CDC42BPB: variants seen among roughly 807,000 people sequenced by gnomAD.
The protein encoded by CDC42BPB is CDC42 binding protein kinase beta.
A neutral mutation model predicts 214.9 loss-of-function variants in CDC42BPB; 37 were observed. That is an observed-to-expected ratio of 0.17 (90% CI 0.13 to 0.23). CDC42BPB has a LOEUF of 0.23. Among genes scored for constraint, CDC42BPB ranks in the 10% least tolerant of loss-of-function variants. CDC42BPB has a pLI of 1.00. For missense variants in CDC42BPB, 1,694 were observed against 2,227.0 expected, an observed-to-expected ratio of 0.76 and a Z score of 4.82; for synonymous variants, 931 against 884.0, an observed-to-expected ratio of 1.05 and a Z score of -0.94.
chr14:103,043,340 A>G (rs1447463132), intron 1 of CDC42BPB, among the ~76,000 whole-genome samples: 3 of 152,234 alleles, frequency 2.0e-5, no homozygotes, highest in Non-Finnish European at 4.4e-5. Flanking sequence ...CACACAACGG[A>G]GTACTATTTG....
chr14:102,963,487 C>T (rs1893049653), intron 19 of CDC42BPB, among the ~76,000 whole-genome samples: 2 of 152,346 alleles, frequency 1.3e-5, no homozygotes, highest in African/African-American at 4.8e-5. Flanking sequence ...CCGTCAGCCC[C>T]ATCAATATCT....
chr14:102,993,994 G>A (rs768205116), intron 5 of CDC42BPB, among the ~76,000 whole-genome samples: 1 of 152,214 alleles, frequency 6.6e-6, no homozygotes, highest in African/African-American at 2.4e-5. Context: ...ATAGGAAAAT[G>A]TTTAAGGCAA....
rs777304874 is a variant in CDC42BPB at position 102,944,130 on chromosome 14, T to C, written c.4169A>G (p.Tyr1390Cys). ...AVLRDRLCVGYPSGFCLLSIQ... is the reference protein window; with the variant it reads ...AVLRDRLCVGCPSGFCLLSIQ... ...GCTCAGCAGGCAGAACCCAGAAGGGTAGCCCACACAGAGCCTGTCCCTGAG... is the reference window on the plus strand; with the variant it reads ...GCTCAGCAGGCAGAACCCAGAAGGGCAGCCCACACAGAGCCTGTCCCTGAG... The change falls in exon 30 of 37, where the codon TAC becomes TGC. Residue 1390 changes from tyrosine (Y) to cysteine (C), a missense_variant. Coordinates refer to ENST00000361246, the MANE Select transcript of CDC42BPB (RefSeq NM_006035.4). The surrounding 1 kb of genome is among the most constrained non-coding windows in gnomAD (Gnocchi z 6.6). The C allele has an allele frequency of 5.0e-6, 8 of 1,613,034 alleles. No homozygotes were observed. Among genetic ancestry groups the C allele is most frequent in the Admixed American group, 1.7e-5 (1 of 60,000 alleles).
intron 1 of CDC42BPB, among the ~76,000 whole-genome samples, chr14:103,015,315 T>C (rs1034709845): frequency 1.2e-4 from 19 of 152,106 alleles, no homozygotes; most frequent in African/African-American, 4.6e-4. Flanking sequence ...ACTAACAATT[T>C]TGTACTGGTG....
At chr14:102,962,849 CA>C (rs914493422) in intron 20 of CDC42BPB, among the ~76,000 whole-genome samples, 1 of 148,690 alleles carries the variant, frequency 6.7e-6, no homozygotes, top group African/African-American at 2.5e-5. Context: ...GAGACTGTCT[CA>C]AAAAAAAAGG....
rs1361862396 is a variant in CDC42BPB, at chr14:103,005,698, A to G, written c.352-1675T>C. On this transcript the variant is annotated intron_variant, in intron 3 of 36. Coordinates refer to ENST00000361246, the MANE Select transcript of CDC42BPB (RefSeq NM_006035.4). The stretch of plus-strand genomic sequence containing the variant: ...AGTAACAGAGTGAGACCCTGTCTCT[A>G]AAACAAGAAAAAAAAAGTTTTTCTT... 6.6e-5 allele frequency among the ~76,000 whole-genome samples: 10 copies of G among 152,030 alleles called. No homozygotes were observed. The South Asian group carries it at 1.7e-3, about 25-fold the overall frequency.
At chr14:102,985,535 A>C (rs1429171779) in intron 6 of CDC42BPB, among the ~76,000 whole-genome samples, 1 of 152,240 alleles carries the variant, frequency 6.6e-6, no homozygotes, top group Non-Finnish European at 1.5e-5. Flanking sequence ...CCCGCCTACC[A>C]ATTAATCAAT....
chr14:102,992,611 C>T (rs751744372), intron 5 of CDC42BPB, among the ~76,000 whole-genome samples: 5 of 152,070 alleles, frequency 3.3e-5, no homozygotes, highest in Non-Finnish European at 5.9e-5. Flanking sequence ...ATCCACTCAC[C>T]GCCTCACCAA....
At chr14:103,002,059 A>G (rs549738344) in intron 4 of CDC42BPB, among the ~76,000 whole-genome samples, 49 of 151,946 alleles carry the variant, frequency 3.2e-4, no homozygotes, top group Non-Finnish European at 5.6e-4. Context: ...TTTTGATAAA[A>G]CTCTGTGAGA....
At chr14:103,055,038 G>C (rs904902617) in intron 1 of CDC42BPB, among the ~76,000 whole-genome samples, 3 of 152,262 alleles carry the variant, frequency 2.0e-5, no homozygotes, top group South Asian at 4.1e-4. Context: ...CTTTCCCTCT[G>C]CTTCCTCTTC....
chr14:102,969,623 C>T (rs1595478276), intron 14 of CDC42BPB, among the ~76,000 whole-genome samples: 2 of 152,352 alleles, frequency 1.3e-5, no homozygotes, highest in South Asian at 4.1e-4. Flanking sequence ...ATCCAGGCCA[C>T]GCCATACTGC....
At chr14:102,992,486 G>A (rs1298681742) in intron 5 of CDC42BPB, among the ~76,000 whole-genome samples, 2 of 152,126 alleles carry the variant, frequency 1.3e-5, no homozygotes, top group African/African-American at 4.8e-5. Context: ...CTCTCGTTAC[G>A]GAAGAGGCAG....
At chr14:103,005,913 G>A (rs1429764604) in intron 3 of CDC42BPB, among the ~76,000 whole-genome samples, 4 of 151,744 alleles carry the variant, frequency 2.6e-5, no homozygotes, top group African/African-American at 9.7e-5. Flanking sequence ...CCAGCTACTC[G>A]GGAGGCTGAG....
intron 1 of CDC42BPB, among the ~76,000 whole-genome samples, chr14:103,013,380 C>T (rs974088549): frequency 2.0e-5 from 3 of 152,232 alleles, no homozygotes; most frequent in Admixed American, 1.3e-4. Context: ...GGCCTCCTCA[C>T]GCGGACTCTC....
intron 1 of CDC42BPB, among the ~76,000 whole-genome samples, chr14:103,038,243 G>A (rs868511881): frequency 6.7e-6 from 1 of 149,716 alleles, no homozygotes; most frequent in Non-Finnish European, 1.5e-5. Context: ...GCTGAGGCAG[G>A]AGAATAGCGT....
rs945332053 is a variant in CDC42BPB, at chr14:102,978,022, C to A, written c.1220+104G>T. 15 of 835,320 alleles carry A rather than the reference C, an allele frequency of 1.8e-5. No individual in the cohort carries two copies. In the Admixed American group the frequency reaches 2.1e-4, roughly 12 times the overall value. The allele number at this position is 835,320 out of a possible 1,614,324, so 51.7% of individuals were successfully genotyped here. On this transcript the variant is annotated intron_variant, in intron 9 of 36. Coordinates refer to ENST00000361246, the MANE Select transcript of CDC42BPB (RefSeq NM_006035.4). ...TCCCTTAAGTAATGGCCTCCCAGCGCACACACCACCCACTAGCCCGCCCCC... is the reference window on the plus strand; with the variant it reads ...TCCCTTAAGTAATGGCCTCCCAGCGAACACACCACCCACTAGCCCGCCCCC...
chr14:102,984,139 C>G (rs879499657), intron 6 of CDC42BPB, among the ~76,000 whole-genome samples: 1 of 152,202 alleles, frequency 6.6e-6, no homozygotes, highest in Non-Finnish European at 1.5e-5. Flanking sequence ...AACTCTTGTA[C>G]ACATGGTCTG....
chr14:103,008,625 T>C (rs1885979301), intron 2 of CDC42BPB, 70 bp from the exon 3 acceptor site: 3 of 1,584,804 alleles, frequency 1.9e-6, no homozygotes, highest in East Asian at 2.3e-5. Context: ...GGAGCTAAAC[T>C]GTAGTGAAAT....
chr14:102,959,837 T>TAA lies in CDC42BPB; in HGVS notation c.2822-128_2822-127insTT. On this transcript the variant is annotated intron_variant, in intron 20 of 36. Transcript: ENST00000361246. Reference sequence around the variant, plus strand: ...ACTGATACATCTGACATGATCACAATTAAAAAAAAAAAAAAAAAAAAAAGG... The same window carrying TAA: ...ACTGATACATCTGACATGATCACAATAATAAAAAAAAAAAAAAAAAAAAAAGG... 7 of 716,130 alleles carry TAA rather than the reference T, an allele frequency of 9.8e-6. No individual in the cohort carries two copies. The South Asian group carries it at 2.0e-4, about 20-fold the overall frequency. 44.4% of individuals were successfully genotyped at this position (716,130 alleles called of 1,614,324 possible). A position where few individuals can be genotyped will look rare whatever the true frequency, so the allele number is the denominator to read the frequency against.
Sources: gnomAD v4.1 joint callset for allele counts (sites outside exome capture counted in the v4.1 genomes callset) on GRCh38, gnomAD v4.1.1 for gene constraint, Gnocchi (gnomAD v3.1) non-coding constraint, MANE v1.5 for transcripts, NCBI Gene and HGNC (gene_info 2026-07-23, HGNC 2026-07-21) for gene names.